Variants in IL1RAPL1 observed in about 807,000 individuals in gnomAD.
IL1RAPL1 encodes interleukin 1 receptor accessory protein like 1.
In IL1RAPL1, 3 loss-of-function variants were observed where a neutral mutation model predicts 48.4. The observed-to-expected ratio is 0.06, with a 90% CI of 0.03 to 0.16. The LOEUF is 0.16. Among genes scored for constraint, IL1RAPL1 ranks in the 10% least tolerant of loss-of-function variants. The pLI, the probability that IL1RAPL1 is intolerant of heterozygous loss-of-function variation, is 1.00. For missense variants in IL1RAPL1, 349 were observed against 530.6 expected (o/e 0.66, Z 3.36); for synonymous variants, 185 against 187.7 (o/e 0.99, Z 0.12).
intron 2 of IL1RAPL1, among the ~76,000 whole-genome samples, chrX:29,166,223 T>C (rs951505039): frequency 1.8e-5 from 2 of 112,424 alleles, no homozygotes; most frequent in Non-Finnish European, 3.8e-5. Flanking sequence ...GCTCATAGTC[T>C]GGTGGTTCAC....
intron 2 of IL1RAPL1, among the ~76,000 whole-genome samples, chrX:29,049,403 A>C (rs1403063452): frequency 8.9e-6 from 1 of 112,499 alleles, no homozygotes; most frequent in Non-Finnish European, 1.9e-5. Flanking sequence ...CCTAAGTTTT[A>C]ATGGCAGGCA....
At chrX:28,634,381 A>ATGTACACGTATATACG (rs1934438276) in intron 1 of IL1RAPL1, among the ~76,000 whole-genome samples, 1 of 108,959 alleles carries the variant, frequency 9.2e-6, no homozygotes, top group Admixed American at 1.0e-4. Flanking sequence ...ATATACACGT[A>ATGTACACGTATATACG]TGTACACGTA....
intron 3 of IL1RAPL1, among the ~76,000 whole-genome samples, chrX:29,302,073 A>T (rs1245659419): frequency 8.9e-6 from 1 of 112,152 alleles, no homozygotes; most frequent in Non-Finnish European, 1.9e-5. Flanking sequence ...AGTACCCAAG[A>T]ATAGAATCTC....
At chrX:29,308,418 G>T (rs765202539) in intron 3 of IL1RAPL1, among the ~76,000 whole-genome samples, 1 of 111,786 alleles carries the variant, frequency 8.9e-6, no homozygotes, top group South Asian at 3.7e-4. Context: ...AGAATATTCA[G>T]ATTGACCAGT....
rs749025358 is a variant in IL1RAPL1 at position 29,164,175 on chromosome X, C to G, written c.83-118763C>G. On this transcript the variant is annotated intron_variant, in intron 2 of 10. Coordinates refer to ENST00000378993, the MANE Select transcript of IL1RAPL1 (RefSeq NM_014271.4). ...ATTTAGCCACTTCTTCCTTTGTGAC[C>G]TGACTTTGGACGGCACACATTATCA... is the stretch of plus-strand genomic sequence containing the variant. Among the ~76,000 whole-genome samples the G allele has an allele frequency of 7.2e-5, 8 of 111,269 alleles. No homozygotes were observed. In the East Asian group the frequency reaches 1.7e-3, roughly 24 times the overall value.
chrX:29,850,991 A>T (rs1460787362), intron 6 of IL1RAPL1, among the ~76,000 whole-genome samples: 1 of 111,648 alleles, frequency 9.0e-6, no homozygotes, highest in Admixed American at 9.5e-5. Flanking sequence ...TAAAGTTAGG[A>T]ATTTGACATC....
chrX:29,690,431 A>C (rs998999667), intron 6 of IL1RAPL1, among the ~76,000 whole-genome samples: 4 of 111,944 alleles, frequency 3.6e-5, no homozygotes, highest in African/African-American at 1.3e-4. Context: ...ATAATTAAGC[A>C]TACTAATTCC....
At chrX:29,926,860 T>TA (rs1390475181) in intron 8 of IL1RAPL1, among the ~76,000 whole-genome samples, 5 of 111,641 alleles carry the variant, frequency 4.5e-5, no homozygotes, top group Non-Finnish European at 7.5e-5. Flanking sequence ...AGTATAGATA[T>TA]AAAAAACTCA....
At chrX:28,723,033 G>A (rs757305883) in intron 1 of IL1RAPL1, among the ~76,000 whole-genome samples, 3 of 111,559 alleles carry the variant, frequency 2.7e-5, no homozygotes, top group Admixed American at 9.5e-5. Flanking sequence ...ATGTTCATCA[G>A]GGATATTGGT....
At chrX:28,901,794 T>C (rs930404598) in intron 2 of IL1RAPL1, among the ~76,000 whole-genome samples, 1 of 112,144 alleles carries the variant, frequency 8.9e-6, no homozygotes, top group African/African-American at 3.2e-5. Flanking sequence ...CCATCCTCAC[T>C]CGCTCAAATA....
At chrX:29,246,170 T>TC (rs1349211426) in intron 2 of IL1RAPL1, among the ~76,000 whole-genome samples, 1 of 102,654 alleles carries the variant, frequency 9.7e-6, no homozygotes, top group East Asian at 3.0e-4. Context: ...TTTTTTTTTT[T>TC]TTTTTACAAA....
intron 2 of IL1RAPL1, among the ~76,000 whole-genome samples, chrX:29,019,424 G>T (rs1566492): frequency 0.36 from 39,194 of 109,981 alleles, 5,168 homozygotes; most frequent in Admixed American, 0.43. Flanking sequence ...TATATCTCAA[G>T]AAAACTGTTA....
intron 6 of IL1RAPL1, among the ~76,000 whole-genome samples, chrX:29,877,015 A>G (rs1030232144): frequency 1.8e-5 from 2 of 111,607 alleles, no homozygotes; most frequent in Non-Finnish European, 3.8e-5. Context: ...TTCTCAAACA[A>G]TGCTGGAAGG....
chrX:29,309,863 AG>A (rs1932683153), intron 3 of IL1RAPL1, among the ~76,000 whole-genome samples: 1 of 106,920 alleles, frequency 9.4e-6, no homozygotes, highest in Non-Finnish European at 1.9e-5. Flanking sequence ...TGGGTGGCCG[AG>A]GTGGGTGGAT....
intron 6 of IL1RAPL1, among the ~76,000 whole-genome samples, chrX:29,755,471 C>A (rs1472839291): frequency 9.0e-6 from 1 of 111,411 alleles, no homozygotes; most frequent in African/African-American, 3.3e-5. Context: ...ACAAACCCAC[C>A]ATGAAGTTGG....
At chrX:29,760,572 C>T (rs1003639534) in intron 6 of IL1RAPL1, among the ~76,000 whole-genome samples, 2 of 111,736 alleles carry the variant, frequency 1.8e-5, no homozygotes, top group Admixed American at 9.5e-5. Flanking sequence ...TCTAGCAAAT[C>T]GGAATACCTG....
chrX:28,699,169 C>A (rs1338106884), intron 1 of IL1RAPL1, among the ~76,000 whole-genome samples: 1 of 112,015 alleles, frequency 8.9e-6, no homozygotes, highest in Non-Finnish European at 1.9e-5. Context: ...GAATGAATTT[C>A]TATTTGGGTT....
chrX:29,496,088 A>G (rs1305690670), intron 5 of IL1RAPL1, among the ~76,000 whole-genome samples: 1 of 111,742 alleles, frequency 8.9e-6, no homozygotes, highest in Non-Finnish European at 1.9e-5. Context: ...ATTTGAAACC[A>G]TATTTTAATA....
intron 5 of IL1RAPL1, among the ~76,000 whole-genome samples, chrX:29,627,161 C>A: frequency 8.9e-6 from 1 of 111,763 alleles, no homozygotes; most frequent in Admixed American, 9.5e-5. Flanking sequence ...ATGTATTAAC[C>A]AAATAATTAC....
Sources: allele counts gnomAD v4.1 joint callset (sites outside exome capture counted in the v4.1 genomes callset), GRCh38; gene constraint gnomAD v4.1.1; transcripts MANE v1.5; gene names NCBI Gene and HGNC (gene_info 2026-07-23, HGNC 2026-07-21).